Variants in MTMR12 observed in about 807,000 individuals in gnomAD.
MTMR12 encodes the protein myotubularin related protein 12, also known as myotubularin-related protein 12.
A neutral mutation model predicts 96.7 loss-of-function variants in MTMR12; 33 were observed. The ratio of observed to expected loss-of-function variants is 0.34; its 90% confidence interval spans 0.26 to 0.46. The LOEUF (loss-of-function observed/expected upper bound fraction) is 0.46, where lower values mean the gene tolerates loss of function less well. MTMR12 is among the 20% of genes least tolerant of loss of function. The pLI is 1.00. For missense variants in MTMR12, 721 were observed against 896.1 expected (o/e 0.80, Z 2.49); for synonymous variants, 298 against 327.2 (o/e 0.91, Z 0.96).
intron 13 of MTMR12, among the ~76,000 whole-genome samples, chr5:32,238,172 ACT>A (rs1748314945): frequency 7.1e-6 from 1 of 141,346 alleles, no homozygotes; most frequent in Non-Finnish European, 1.5e-5. Context: ...AAAAAAATTG[ACT>A]CTGAAAATCT....
chr5:32,266,477 C>A (rs2112069902), intron 6 of MTMR12, among the ~76,000 whole-genome samples: 1 of 151,296 alleles, frequency 6.6e-6, no homozygotes, highest in East Asian at 2.0e-4. Flanking sequence ...CACTTCAGGT[C>A]AGGAGTTCGA....
intron 10 of MTMR12, among the ~76,000 whole-genome samples, chr5:32,245,189 C>T (rs772305347): frequency 1.3e-5 from 2 of 152,184 alleles, no homozygotes; most frequent in Non-Finnish European, 2.9e-5. Flanking sequence ...GTGCCCACCA[C>T]CATGCCTGGC....
At chr5:32,302,044 T>C (rs777915619) in intron 1 of MTMR12, among the ~76,000 whole-genome samples, 23 of 152,210 alleles carry the variant, frequency 1.5e-4, no homozygotes, top group Admixed American at 3.9e-4. Context: ...ATTTCATCAC[T>C]GTGGCCAGGG....
chr5:32,271,462 G>A (rs1227081200), intron 4 of MTMR12, among the ~76,000 whole-genome samples: 1 of 152,186 alleles, frequency 6.6e-6, no homozygotes, highest in Admixed American at 6.5e-5. Context: ...GGCTTGGCAG[G>A]AGAGGCTTGT....
chr5:32,250,061 T>C lies in MTMR12; in HGVS notation c.790-1183A>G, dbSNP rs117212227. Among the ~76,000 whole-genome samples the C allele has an allele frequency of 8.3e-4, 126 of 152,330 alleles. 3 individuals carry two copies. The East Asian group carries it at 0.019, about 23-fold the overall frequency. On this transcript the variant is annotated intron_variant, in intron 8 of 15. Transcript: ENST00000382142. Reference sequence around the variant, plus strand: ...TGCCAGGTATAAACCATGTGTTGGATATGCTAGCAGTGGCGTAGACCGAGA... The same window carrying C: ...TGCCAGGTATAAACCATGTGTTGGACATGCTAGCAGTGGCGTAGACCGAGA...
chr5:32,243,508 T>C lies in MTMR12; in HGVS notation c.1100+13A>G. 1 of 1,588,342 alleles carries C rather than the reference T, an allele frequency of 6.3e-7. No homozygotes were observed. The highest frequency in any genetic ancestry group is 8.6e-7 in the Non-Finnish European group (1 of 1,158,328). ...ATTACAAAATTCATGAGTAAAACAA[T>C]GGTTTGAAATACCTGATTATGTCAA... On this transcript the variant is annotated intron_variant, in intron 11 of 15. Transcript: ENST00000382142.
intron 1 of MTMR12, among the ~76,000 whole-genome samples, chr5:32,292,820 T>C (rs1750783458): frequency 6.6e-6 from 1 of 152,230 alleles, no homozygotes; most frequent in Non-Finnish European, 1.5e-5. Context: ...GAATAAGTAG[T>C]AGAAGAAGGC....
In MTMR12 at chr5:32,228,619, T is replaced by TATATATATATCATATATATGTG; in HGVS notation, c.*1158_*1159insCACATATATATGATATATATAT. 2 of 129,972 alleles carry TATATATATATCATATATATGTG rather than the reference T, an allele frequency of 1.5e-5. 1 individual carries two copies. The highest frequency in any genetic ancestry group is 5.7e-5 in the African/African-American group (2 of 35,256). 8.1% of individuals were successfully genotyped at this position (129,972 alleles called of 1,614,324 possible). A position where few individuals can be genotyped will look rare whatever the true frequency, so the allele number is the denominator to read the frequency against. On this transcript the variant is annotated 3_prime_UTR_variant, in exon 16 of 16. Coordinates refer to ENST00000382142, the MANE Select transcript of MTMR12 (RefSeq NM_001040446.3). ...ATATATATATATATCATATATATGA[T>TATATATATATCATATATATGTG]ATATATATATCACATATATATCATA... is the stretch of plus-strand genomic sequence containing the variant.
chr5:32,299,855 C>T (rs901180118), intron 1 of MTMR12, among the ~76,000 whole-genome samples: 4 of 152,192 alleles, frequency 2.6e-5, no homozygotes, highest in African/African-American at 9.7e-5. Context: ...AGCTATGAGC[C>T]TTTCACACCC....
intron 15 of MTMR12, among the ~76,000 whole-genome samples, chr5:32,232,304 C>G (rs560370758): frequency 6.6e-6 from 1 of 152,332 alleles, no homozygotes; most frequent in East Asian, 1.9e-4. Context: ...TCTTCTTACC[C>G]AAAGGCTTCA....
intron 1 of MTMR12, among the ~76,000 whole-genome samples, chr5:32,294,977 G>T (rs990697979): frequency 6.6e-6 from 1 of 152,180 alleles, no homozygotes; most frequent in African/African-American, 2.4e-5. Context: ...ATAGAGTAGG[G>T]GCATAGCCAA....
At chr5:32,248,655 T>C (rs1458466503) in intron 9 of MTMR12, 117 bp downstream of exon 9, 1 of 732,524 alleles carries the variant, frequency 1.4e-6, no homozygotes, top group Non-Finnish European at 2.4e-6. Flanking sequence ...TTAAGTTGTA[T>C]TCCCCTAGCA....
At chr5:32,252,973 C>G (rs1748999181) in intron 8 of MTMR12, among the ~76,000 whole-genome samples, 1 of 152,190 alleles carries the variant, frequency 6.6e-6, no homozygotes, top group Non-Finnish European at 1.5e-5. Flanking sequence ...GTCACATTTT[C>G]TGTAAGTCTC....
intron 1 of MTMR12, among the ~76,000 whole-genome samples, chr5:32,279,272 C>A (rs1295847395): frequency 6.6e-6 from 1 of 151,596 alleles, no homozygotes; most frequent in South Asian, 2.1e-4. Flanking sequence ...ATTAAAAAAT[C>A]ATCCAGGTAT....
rs375959852 is a variant in MTMR12, at chr5:32,228,569, C to CAT, written c.*1207_*1208dup. The CAT allele has an allele frequency of 0.037, 4,152 of 112,458 alleles. 352 individuals carry two copies. The highest frequency in any genetic ancestry group is 0.16 in the African/African-American group (3,890 of 25,026). The allele number at this position is 112,458 out of a possible 1,614,324, so 7.0% of individuals were successfully genotyped here. Reference sequence around the variant, plus strand: ...TCATATATATGTGATATATATATATCATATATATATCATATATATGTGATA... The same window carrying CAT: ...TCATATATATGTGATATATATATATCATATATATATATCATATATATGTGATA... On this transcript the variant is annotated 3_prime_UTR_variant, in exon 16 of 16. Transcript: ENST00000382142.
intron 6 of MTMR12, among the ~76,000 whole-genome samples, chr5:32,264,379 T>C (rs1411383369): frequency 2.0e-5 from 3 of 151,942 alleles, no homozygotes; most frequent in Non-Finnish European, 4.4e-5. Context: ...TAAAACCAGA[T>C]CATAGCAAAA....
chr5:32,300,715 G>A (rs1452275603), intron 1 of MTMR12, among the ~76,000 whole-genome samples: 5 of 152,046 alleles, frequency 3.3e-5, no homozygotes, highest in Admixed American at 6.6e-5. Flanking sequence ...GTAGCAGAAA[G>A]TGATCATTAA....
intron 2 of MTMR12, among the ~76,000 whole-genome samples, chr5:32,275,319 T>C (rs1224578191): frequency 1.3e-5 from 2 of 152,124 alleles, no homozygotes; most frequent in Non-Finnish European, 2.9e-5. Flanking sequence ...CATTAGGGTT[T>C]AAAATAGTCC....
intron 7 of MTMR12, among the ~76,000 whole-genome samples, chr5:32,257,884 C>G (rs34166254): frequency 1.3e-5 from 2 of 152,134 alleles, no homozygotes; most frequent in South Asian, 4.1e-4. Context: ...CTGGGCAACA[C>G]GGCAAAATCC....
Sources: allele counts gnomAD v4.1 joint callset (sites outside exome capture counted in the v4.1 genomes callset), GRCh38; gene constraint gnomAD v4.1.1; transcripts MANE v1.5; gene names NCBI Gene and HGNC (gene_info 2026-07-23, HGNC 2026-07-21).